KDM2B: variants seen among roughly 807,000 people sequenced by gnomAD.
KDM2B encodes the protein lysine demethylase 2B.
A neutral mutation model predicts 150.0 loss-of-function variants in KDM2B; 26 were observed. The ratio of observed to expected loss-of-function variants is 0.17; its 90% CI spans 0.13 to 0.24. The LOEUF is 0.24. Among genes scored for constraint, KDM2B ranks in the 10% least tolerant of loss-of-function variants. KDM2B has a pLI of 1.00. For missense variants in KDM2B, 1,265 were observed against 1,816.9 expected, an observed-to-expected ratio of 0.70 and a Z score of 5.52; for synonymous variants, 734 against 729.5, an observed-to-expected ratio of 1.01 and a Z score of -0.10.
intron 11 of KDM2B, among the ~76,000 whole-genome samples, chr12:121,498,819 T>C (rs1884232483): frequency 6.6e-6 from 1 of 152,080 alleles, no homozygotes. Flanking sequence ...AAATAATACA[T>C]TTTTAAAGAC....
At chr12:121,479,396 G>A (rs1555297445) in intron 12 of KDM2B, among the ~76,000 whole-genome samples, 1 of 151,422 alleles carries the variant, frequency 6.6e-6, no homozygotes, top group Non-Finnish European at 1.5e-5. Context: ...GAACCCGGGA[G>A]GCGGAGCTTG....
chr12:121,549,687 A>G lies in KDM2B; in HGVS notation c.398-49T>C. 1 of 1,497,672 alleles carries G rather than the reference A, an allele frequency of 6.7e-7. No individual in the cohort carries two copies. Among genetic ancestry groups the G allele is most frequent in the Admixed American group, 2.0e-5 (1 of 50,504 alleles). 92.8% of individuals were successfully genotyped at this position (1,497,672 alleles called of 1,614,324 possible). On this transcript the variant is annotated intron_variant, in intron 4 of 22. Transcript: ENST00000377071. The surrounding 1 kb of genome is among the most constrained non-coding windows in gnomAD (Gnocchi z 4.4). ...GTTGTTCCTGCCGGCTTAAGGCTCC[A>G]GATCCTACATGGGAGCCCCTCACTA...
intron 9 of KDM2B, chr12:121,516,836 T>C (rs367958571): frequency 4.9e-5 from 31 of 637,516 alleles, no homozygotes; most frequent in East Asian, 2.0e-4. Flanking sequence ...TGAGAGTGGG[T>C]GGAAGTGTCC....
chr12:121,461,394 C>T (rs1001323821), intron 12 of KDM2B, among the ~76,000 whole-genome samples: 4 of 152,100 alleles, frequency 2.6e-5, no homozygotes, highest in Non-Finnish European at 5.9e-5. Flanking sequence ...TGACTGTATT[C>T]TGGCAACAGT....
chr12:121,501,636 T>G (rs1470864859), intron 11 of KDM2B, among the ~76,000 whole-genome samples: 1 of 152,164 alleles, frequency 6.6e-6, no homozygotes, highest in African/African-American at 2.4e-5. Context: ...TTGTTTGTTT[T>G]TTGAGACAGA....
intron 11 of KDM2B, among the ~76,000 whole-genome samples, chr12:121,502,980 GT>G (rs782050310): frequency 0.011 from 1,374 of 129,612 alleles, 3 homozygotes; most frequent in South Asian, 0.023. Flanking sequence ...TTTTTTGTGG[GT>G]TTTTTTTTTT....
At chr12:121,510,171 C>T in intron 10 of KDM2B, 132 bp from the exon 11 acceptor site, 1 of 783,932 alleles carries the variant, frequency 1.3e-6, no homozygotes, top group Non-Finnish European at 2.0e-6. Flanking sequence ...ATGGTCAGTG[C>T]CTCCAGCCTC....
chr12:121,508,540 G>C (rs552574533), intron 11 of KDM2B, among the ~76,000 whole-genome samples: 22 of 152,284 alleles, frequency 1.4e-4, no homozygotes, highest in African/African-American at 5.3e-4. Flanking sequence ...GCAGCTAGCT[G>C]GCTTCCCTTG....
At position 121,453,935 on chromosome 12, in the gene KDM2B, C is replaced by A. The variant is rs1208801723; in HGVS notation, c.1735-591G>T. Among the ~76,000 whole-genome samples, 1 of 152,196 alleles carries A rather than the reference C, an allele frequency of 6.6e-6. No individual in the cohort carries two copies. The highest frequency in any genetic ancestry group is 1.5e-5 in the Non-Finnish European group (1 of 68,024). On this transcript the variant is annotated intron_variant, in intron 12 of 22. Coordinates refer to ENST00000377071, the MANE Select transcript of KDM2B (RefSeq NM_032590.5). This position sits in a 1 kb window ranked among gnomAD's most constrained non-coding sequence, Gnocchi z 6.4. ...TGCACCCACAGGCTCGGACCCTGCC[C>A]ACCTTTCCCACCTCCGTCTGCTCCC...
the KDM2B span, chr12:121,418,600 A>C: frequency 6.6e-6 from 1 of 152,318 alleles, no homozygotes; most frequent in Non-Finnish European, 1.5e-5. Context: ...GTGAGCCTGC[A>C]GTCTGATACT....
chr12:121,546,379 C>CTTTTTTTTTTTTTTTTTTTTTTTTTTT (rs371614406), intron 6 of KDM2B, among the ~76,000 whole-genome samples: 3 of 97,478 alleles, frequency 3.1e-5, no homozygotes, highest in Non-Finnish European at 5.6e-5. Context: ...TTTTTTTTGC[C>CTTTTTTTTTTTTTTTTTTTTTTTTTTT]TTTTTTTTTT....
rs1555289639 is a variant in KDM2B, at chr12:121,444,457, G to A, written c.2183C>T (p.Thr728Ile). 2 of 1,614,028 alleles carry A rather than the reference G, an allele frequency of 1.2e-6. No individual in the cohort carries two copies. The highest frequency in any genetic ancestry group is 1.7e-6 in the Non-Finnish European group (2 of 1,180,018). Reference protein sequence around the residue: ...ECPKCNHAGKTGKQKRGPGFK... With the variant: ...ECPKCNHAGKIGKQKRGPGFK... The stretch of plus-strand genomic sequence containing the variant: ...TTGGAGCCCGGCACTCACTTTCCCG[G>A]TCTTGCCGGCGTGGTTACACTTCGG... The change falls in exon 15 of 23, where the codon ACC becomes ATC. Residue 728 changes from threonine (T) to isoleucine (I), a missense_variant. By Grantham distance (89) the Thr-to-Ile change is moderately conservative (BLOSUM62 -1). Transcript: ENST00000377071.
intron 4 of KDM2B, among the ~76,000 whole-genome samples, chr12:121,568,442 A>G (rs1890860596): frequency 6.6e-6 from 1 of 152,136 alleles, no homozygotes; most frequent in Non-Finnish European, 1.5e-5. Context: ...CCTGGGCAAC[A>G]AGAGCGAAAC....
chr12:121,529,915 C>T, intron 8 of KDM2B, among the ~76,000 whole-genome samples: 1 of 132,098 alleles, frequency 7.6e-6, no homozygotes, highest in East Asian at 2.2e-4. Flanking sequence ...GGCGACAGAG[C>T]AAGACTCTGT....
chr12:121,482,659 GT>G (rs1644130700), intron 12 of KDM2B, among the ~76,000 whole-genome samples: 1 of 152,184 alleles, frequency 6.6e-6, no homozygotes, highest in Non-Finnish European at 1.5e-5. Context: ...GGACACAGGA[GT>G]TACATAAAGA....
intron 14 of KDM2B, chr12:121,444,935 C>CAGCACTGGCTGAGGAG: frequency 2.5e-6 from 1 of 407,304 alleles, no homozygotes; most frequent in Non-Finnish European, 4.5e-6. Flanking sequence ...TGGTGTGGGG[C>CAGCACTGGCTGAGGAG]CTTGTTCTCC....
intron 12 of KDM2B, among the ~76,000 whole-genome samples, chr12:121,490,080 A>G (rs901788615): frequency 1.3e-5 from 2 of 152,174 alleles, no homozygotes; most frequent in Non-Finnish European, 2.9e-5. Context: ...CCTCTCCTTC[A>G]GGGAAAGGCT....
rs1184114394 is a variant in KDM2B, at chr12:121,487,930, C to T, written c.1734+6649G>A. Among the ~76,000 whole-genome samples, 13 of 151,680 alleles carry T rather than the reference C, an allele frequency of 8.6e-5. 1 individual carries two copies. Among genetic ancestry groups the T allele is most frequent in the Admixed American group, 5.9e-4 (9 of 15,178 alleles). On this transcript the variant is annotated intron_variant, in intron 12 of 22. Transcript: ENST00000377071. ...CTGAGTAGCTGGTATTACAGGTATG[C>T]GCCACCATGCCCGGCTAATTTTTTG... is the stretch of plus-strand genomic sequence containing the variant.
chr12:121,489,423 C>T (rs1419010318), intron 12 of KDM2B, among the ~76,000 whole-genome samples: 3 of 151,686 alleles, frequency 2.0e-5, no homozygotes, highest in Non-Finnish European at 4.4e-5. Context: ...GCGTGAGCCA[C>T]CGCACCCGCC....
Sources: gnomAD v4.1 joint callset for allele counts (sites outside exome capture counted in the v4.1 genomes callset) on GRCh38, gnomAD v4.1.1 for gene constraint, Gnocchi (gnomAD v3.1) non-coding constraint, MANE v1.5 for transcripts, NCBI Gene and HGNC (gene_info 2026-07-23, HGNC 2026-07-21) for gene names.